Variants in CPPED1 observed in about 807,000 individuals in gnomAD.
CPPED1 encodes serine/threonine-protein phosphatase CPPED1.
A neutral mutation model predicts 28.0 loss-of-function variants in CPPED1; 28 were observed. The observed-to-expected ratio is 1.00, with a 90% CI of 0.74 to 1.37. The LOEUF (loss-of-function observed/expected upper bound fraction) is 1.37, where lower values mean the gene tolerates loss of function less well. CPPED1 is among the 40% of genes most tolerant of loss of function. The pLI is 0.00. For synonymous variants in CPPED1, 198 were observed against 180.2 expected (o/e 1.10, Z -0.79); for missense variants, 504 against 416.5 (o/e 1.21, Z -1.83).
Position 12,664,573 on chromosome 16 carries a change from A to G in CPPED1, c.*313T>C. 8.6e-7 allele frequency: 1 copy of G among 1,166,232 alleles called. No individual in the cohort carries two copies. Among genetic ancestry groups the G allele is most frequent in the Non-Finnish European group, 1.1e-6 (1 of 944,942 alleles). 72.2% of individuals were successfully genotyped at this position (1,166,232 alleles called of 1,614,324 possible). A position where few individuals can be genotyped will look rare whatever the true frequency, so the allele number is the denominator to read the frequency against. The stretch of plus-strand genomic sequence containing the variant: ...CAGACTTTGACCATATGCTAACCAG[A>G]ATACAATCCAATTCAAAAGTGGAGT... On this transcript the variant is annotated 3_prime_UTR_variant, in exon 4 of 4. Coordinates refer to ENST00000381774, the MANE Select transcript of CPPED1 (RefSeq NM_018340.3). This position sits in a 1 kb window ranked among gnomAD's most constrained non-coding sequence, Gnocchi z 4.2.
chr16:12,765,456 C>G (rs2080432975), intron 2 of CPPED1, among the ~76,000 whole-genome samples: 1 of 152,146 alleles, frequency 6.6e-6, no homozygotes, highest in Non-Finnish European at 1.5e-5. Context: ...ATTTAACTGT[C>G]TGACATAATA....
At chr16:12,755,417 G>T (rs1180110331) in intron 2 of CPPED1, among the ~76,000 whole-genome samples, 2 of 151,860 alleles carry the variant, frequency 1.3e-5, no homozygotes, top group Non-Finnish European at 2.9e-5. Context: ...GAGTAGCTGG[G>T]ACTACAGGTG....
intron 3 of CPPED1, among the ~76,000 whole-genome samples, chr16:12,695,637 G>C (rs914114936): frequency 5.3e-5 from 8 of 152,184 alleles, no homozygotes; most frequent in Non-Finnish European, 1.0e-4. Flanking sequence ...TGTGTAAACA[G>C]AATAGAACAT....
At position 12,670,196 on chromosome 16, in the gene CPPED1, G is replaced by A. The variant is rs1017395937; in HGVS notation, c.716-5081C>T. Among the ~76,000 whole-genome samples, 3 of 152,212 alleles carry A rather than the reference G, an allele frequency of 2.0e-5. No homozygotes were observed. The highest frequency in any genetic ancestry group is 7.2e-5 in the African/African-American group (3 of 41,446). ...CTGTGGTCCTAGATCTCAGGAGGCT[G>A]AGGTGGGAGGATTGCTTGAGCCTGG... On this transcript the variant is annotated intron_variant, in intron 3 of 3. Coordinates refer to ENST00000381774, the MANE Select transcript of CPPED1 (RefSeq NM_018340.3). This position sits in a 1 kb window ranked among gnomAD's most constrained non-coding sequence, Gnocchi z 4.2.
intron 3 of CPPED1, among the ~76,000 whole-genome samples, chr16:12,684,031 G>A (rs553009216): frequency 3.9e-5 from 6 of 152,140 alleles, no homozygotes; most frequent in East Asian, 1.9e-4. Flanking sequence ...AAGGGCCAAC[G>A]AAAAGCCTTT....
chr16:12,726,767 C>A (rs1261653591), intron 2 of CPPED1, among the ~76,000 whole-genome samples: 1 of 151,956 alleles, frequency 6.6e-6, no homozygotes, highest in East Asian at 1.9e-4. Flanking sequence ...TGTGTTGGCA[C>A]CACTGTACTC....
intron 2 of CPPED1, among the ~76,000 whole-genome samples, chr16:12,721,274 T>C (rs867756856): frequency 6.6e-6 from 1 of 152,204 alleles, no homozygotes; most frequent in Non-Finnish European, 1.5e-5. Context: ...ATCAAGATGA[T>C]ACACATTTTG....
At chr16:12,801,091 GTTTT>G (rs2080656760) in intron 1 of CPPED1, among the ~76,000 whole-genome samples, 1 of 152,002 alleles carries the variant, frequency 6.6e-6, no homozygotes, top group Non-Finnish European at 1.5e-5. Context: ...TTTCCTTTCG[GTTTT>G]TTTGTTTGTT....
intron 3 of CPPED1, among the ~76,000 whole-genome samples, chr16:12,677,269 A>G (rs1213960054): frequency 2.0e-5 from 3 of 152,220 alleles, no homozygotes; most frequent in Non-Finnish European, 4.4e-5. Flanking sequence ...GCTAGAGGAT[A>G]GGCGAGGGCG....
At chr16:12,788,308 GAGTC>G (rs1414051532) in intron 1 of CPPED1, among the ~76,000 whole-genome samples, 1 of 152,172 alleles carries the variant, frequency 6.6e-6, no homozygotes, top group Non-Finnish European at 1.5e-5. Context: ...GCTCAGCTGA[GAGTC>G]AGCCATGGAT....
In CPPED1 at chr16:12,803,767, C is replaced by T; in HGVS notation, c.10G>A (p.Ala4Thr). The part of the protein sequence containing the change: MSA[A>T]EAGGVFHRAR... ...CTGTGGAAAACACCCCCCGCCTCTG[C>T]AGCCGACATGGCGAGCGAGTTTCTG... is the stretch of plus-strand genomic sequence containing the variant. Residue 4 changes from alanine (A) to threonine (T), a missense_variant, in exon 1 of 4, where the codon GCA becomes ACA. Coordinates refer to ENST00000381774, the MANE Select transcript of CPPED1 (RefSeq NM_018340.3). The T allele has an allele frequency of 6.2e-7, 1 of 1,600,404 alleles. No homozygotes were observed. The highest frequency in any genetic ancestry group is 8.5e-7 in the Non-Finnish European group (1 of 1,174,406).
chr16:12,743,207 G>T (rs1261667156), intron 2 of CPPED1, among the ~76,000 whole-genome samples: 3 of 152,136 alleles, frequency 2.0e-5, no homozygotes, highest in Non-Finnish European at 4.4e-5. Flanking sequence ...TAAGTCTCAG[G>T]ACTTCTCTGC....
chr16:12,772,524 C>T (rs1283726422), intron 2 of CPPED1, among the ~76,000 whole-genome samples: 1 of 152,130 alleles, frequency 6.6e-6, no homozygotes, highest in Non-Finnish European at 1.5e-5. Context: ...GTGCATGCTC[C>T]CTCTCCTCCA....
At chr16:12,683,224 G>A (rs973032969) in intron 3 of CPPED1, among the ~76,000 whole-genome samples, 6 of 152,144 alleles carry the variant, frequency 3.9e-5, no homozygotes, top group Non-Finnish European at 8.8e-5. Flanking sequence ...CTGATCAGGC[G>A]ATGATCCCTT....
chr16:12,780,410 A>C (rs2080522962), intron 2 of CPPED1, among the ~76,000 whole-genome samples: 1 of 152,118 alleles, frequency 6.6e-6, no homozygotes, highest in Non-Finnish European at 1.5e-5. Flanking sequence ...ACCTGAGCTC[A>C]AGTGATCCGC....
In CPPED1 at chr16:12,796,933, C is replaced by T. The variant is rs144667639; in HGVS notation, c.70+6774G>A. Among the ~76,000 whole-genome samples, 186 of 152,178 alleles carry T rather than the reference C, an allele frequency of 1.2e-3. 1 individual carries two copies. Among genetic ancestry groups the T allele is most frequent in the African/African-American group, 4.4e-3 (184 of 41,508 alleles). On this transcript the variant is annotated intron_variant, in intron 1 of 3. Transcript: ENST00000381774. The stretch of plus-strand genomic sequence containing the variant: ...TGGAATATCATTTAGTAAAAAGGAA[C>T]AAAGTATTGGTTCAAGCTACAAAAT...
At chr16:12,665,849 C>T (rs755951934) in intron 3 of CPPED1, among the ~76,000 whole-genome samples, 3 of 152,222 alleles carry the variant, frequency 2.0e-5, no homozygotes, top group South Asian at 4.1e-4. Context: ...CACGTGAACT[C>T]GGGAGGTGGA....
At chr16:12,672,802 T>C (rs1293398339) in intron 3 of CPPED1, among the ~76,000 whole-genome samples, 7 of 152,170 alleles carry the variant, frequency 4.6e-5, no homozygotes, top group African/African-American at 1.7e-4. Context: ...TCAGTTGAGG[T>C]CAGGAGTTCG....
In CPPED1 at chr16:12,660,315, T is replaced by A. The variant is rs780690065; in HGVS notation, c.*4571A>T. 3.9e-5 allele frequency: 6 copies of A among 152,214 alleles called. No homozygotes were observed. Among genetic ancestry groups the A allele is most frequent in the Non-Finnish European group, 2.9e-5 (2 of 68,050 alleles). 9.4% of individuals were successfully genotyped at this position (152,214 alleles called of 1,614,324 possible). On this transcript the variant is annotated 3_prime_UTR_variant, in exon 4 of 4. Coordinates refer to ENST00000381774, the MANE Select transcript of CPPED1 (RefSeq NM_018340.3). ...GAATAATGAAGGGTAACATGATTAT[T>A]CACATTTAATCGACTTCATTTACAT...
Sources: gnomAD v4.1 joint callset for allele counts (sites outside exome capture counted in the v4.1 genomes callset) on GRCh38, gnomAD v4.1.1 for gene constraint, Gnocchi (gnomAD v3.1) non-coding constraint, MANE v1.5 for transcripts, NCBI Gene and HGNC (gene_info 2026-07-23, HGNC 2026-07-21) for gene names.